The following IL1RL2 variants were observed in gnomAD, a reference collection of about 807,000 sequenced individuals.
IL1RL2 encodes interleukin 1 receptor like 2.
Under a neutral mutation model 66.8 loss-of-function variants are expected in IL1RL2, and 68 were observed. The observed-to-expected ratio is 1.02, with a 90% CI of 0.84 to 1.25. The LOEUF (loss-of-function observed/expected upper bound fraction) is 1.25, where lower values mean the gene tolerates loss of function less well. Ranked by LOEUF, IL1RL2 falls within the 50% of genes most tolerant of loss-of-function variation. The probability of loss-of-function intolerance (pLI) is 0.00; values close to 1 mark genes in which losing one functional copy is unlikely to be tolerated. For missense variants in IL1RL2, 729 were observed against 709.3 expected, an observed-to-expected ratio of 1.03 and a Z score of -0.32; for synonymous variants, 305 against 264.6, an observed-to-expected ratio of 1.15 and a Z score of -1.48.
At chr2:102,233,328 C>T (rs930922212) in intron 10 of IL1RL2, among the ~76,000 whole-genome samples, 1 of 152,108 alleles carries the variant, frequency 6.6e-6, no homozygotes, top group African/African-American at 2.4e-5. Flanking sequence ...AGGCTCCTCC[C>T]TGCCCCGCAG....
intron 6 of IL1RL2, among the ~76,000 whole-genome samples, chr2:102,217,720 G>T (rs1034361879): frequency 6.6e-6 from 1 of 152,072 alleles, no homozygotes; most frequent in East Asian, 1.9e-4. Context: ...AGGAAAATTG[G>T]ATATCCACAT....
chr2:102,220,687 G>C (rs1024792), intron 8 of IL1RL2, among the ~76,000 whole-genome samples: 24,160 of 151,334 alleles, frequency 0.16, 2,354 homozygotes, highest in Admixed American at 0.29. Context: ...GTATGTGTGT[G>C]TGTGTGTGTG....
At chr2:102,221,675 G>A (rs920869086) in intron 8 of IL1RL2, among the ~76,000 whole-genome samples, 1 of 151,722 alleles carries the variant, frequency 6.6e-6, no homozygotes, top group African/African-American at 2.4e-5. Flanking sequence ...TACACTTTAA[G>A]GTCAGGTTTT....
At chr2:102,237,755 A>T (rs1008976002) in intron 11 of IL1RL2, among the ~76,000 whole-genome samples, 5 of 152,258 alleles carry the variant, frequency 3.3e-5, no homozygotes, top group African/African-American at 1.2e-4. Context: ...ACATGTAGGC[A>T]GGTTGGCAGG....
At chr2:102,228,235 G>A (rs931042688) in intron 9 of IL1RL2, among the ~76,000 whole-genome samples, 2 of 152,230 alleles carry the variant, frequency 1.3e-5, no homozygotes, top group African/African-American at 4.8e-5. Context: ...AGCTACTGAT[G>A]AGATTCTGAG....
At chr2:102,190,704 TTAGCCTAGGCTGTGAATTATTAACTAG>T (rs1687152589) in intron 3 of IL1RL2, among the ~76,000 whole-genome samples, 1 of 152,222 alleles carries the variant, frequency 6.6e-6, no homozygotes, top group African/African-American at 2.4e-5. Context: ...CTGTCCTATT[TTAGCCTAGGCTGTGAATTATTAACTAG>T]TAGCCTAGGC....
At chr2:102,194,340 T>C (rs894997439) in intron 4 of IL1RL2, among the ~76,000 whole-genome samples, 1 of 152,214 alleles carries the variant, frequency 6.6e-6, no homozygotes, top group Non-Finnish European at 1.5e-5. Flanking sequence ...TACTATTTCA[T>C]TATTATTATT....
chr2:102,203,729 T>C (rs1465887854), intron 5 of IL1RL2, among the ~76,000 whole-genome samples: 1 of 152,122 alleles, frequency 6.6e-6, no homozygotes, highest in Admixed American at 6.5e-5. Context: ...CCATTAATAA[T>C]CTTTTGGATT....
In IL1RL2 at chr2:102,195,559, C is replaced by CTTTCTT. The variant is rs1481634028; in HGVS notation, c.489+3440_489+3441insTTCTTT. ...ATTCCCTTATTCTATTTCTTTCTTT[C>CTTTCTT]TCTTTCTTTCTTTCTTTCTTTCTTT... On this transcript the variant is annotated intron_variant, in intron 4 of 11. Coordinates refer to ENST00000264257, the MANE Select transcript of IL1RL2 (RefSeq NM_003854.4). Among the ~76,000 whole-genome samples the CTTTCTT allele has an allele frequency of 3.3e-3, 143 of 43,716 alleles. 31 individuals are homozygous for CTTTCTT. The highest frequency in any genetic ancestry group is 4.6e-3 in the Admixed American group (20 of 4,386). 28.7% of individuals were successfully genotyped at this position (43,716 alleles called of 152,430 possible).
At chr2:102,213,659 C>T (rs1449553177) in intron 6 of IL1RL2, among the ~76,000 whole-genome samples, 1 of 152,002 alleles carries the variant, frequency 6.6e-6, no homozygotes, top group Non-Finnish European at 1.5e-5. Flanking sequence ...AATTTCATGG[C>T]ATATGACCAA....
Position 102,225,927 on chromosome 2 carries a change from G to A in IL1RL2, c.1021G>A (p.Gly341Arg), listed in dbSNP as rs946791842. Reference protein sequence around the residue: ...APDFRAYLIGGLIALVAVAVS... With the variant: ...APDFRAYLIGRLIALVAVAVS... ...GGATTTTCGAGCTTACTTGATAGGA[G>A]GGCTTATCGCCTTGGTGGCTGTGGC... Residue 341 changes from glycine to arginine, a missense_variant, in exon 9 of 12, where the codon GGG becomes AGG. Transcript: ENST00000264257. 94 of 1,599,346 alleles carry A rather than the reference G, an allele frequency of 5.9e-5. No individual in the cohort carries two copies. Among genetic ancestry groups the A allele is most frequent in the Non-Finnish European group, 7.8e-5 (91 of 1,172,832 alleles).
rs189403789 is a variant in IL1RL2 at position 102,197,084 on chromosome 2, C to A, written c.490-4472C>A. Among the ~76,000 whole-genome samples the A allele has an allele frequency of 2.1e-3, 321 of 152,230 alleles. 3 individuals carry two copies. The highest frequency in any genetic ancestry group is 4.8e-3 in the East Asian group (25 of 5,182). On this transcript the variant is annotated intron_variant, in intron 4 of 11. Transcript: ENST00000264257. ...ATTAGGGAAAAGGAGGAACTCATGT[C>A]TGAGGGCCCCTAATTTTTCTAATTG... is the stretch of plus-strand genomic sequence containing the variant.
intron 3 of IL1RL2, among the ~76,000 whole-genome samples, chr2:102,189,941 C>G (rs1200030010): frequency 6.6e-6 from 1 of 152,202 alleles, no homozygotes; most frequent in Non-Finnish European, 1.5e-5. Flanking sequence ...CCTGAGCCAC[C>G]TAGCCCGGCC....
chr2:102,202,434 G>GTA (rs775376966), intron 5 of IL1RL2, among the ~76,000 whole-genome samples: 5 of 151,200 alleles, frequency 3.3e-5, no homozygotes, highest in Non-Finnish European at 7.4e-5. Context: ...CATAATAAGT[G>GTA]TATATATTAC....
At chr2:102,232,126 T>TC (rs397985351) in intron 9 of IL1RL2, among the ~76,000 whole-genome samples, 1 of 151,634 alleles carries the variant, frequency 6.6e-6, no homozygotes, top group East Asian at 1.9e-4. Flanking sequence ...TTTTTTTTTT[T>TC]CCGAGACAGA....
chr2:102,212,356 C>T lies in IL1RL2; in HGVS notation c.724+182C>T, dbSNP rs145976064. Among the ~76,000 whole-genome samples the T allele has an allele frequency of 1.2e-3, 190 of 152,188 alleles. 1 individual carries two copies. Among genetic ancestry groups the T allele is most frequent in the African/African-American group, 4.3e-3 (177 of 41,496 alleles). On this transcript the variant is annotated intron_variant, in intron 6 of 11. Coordinates refer to ENST00000264257, the MANE Select transcript of IL1RL2 (RefSeq NM_003854.4). Reference sequence around the variant, plus strand: ...AAAATAAAACACCAGAGAGCCGAAGCATGGAAAAGTTGTGGTAGCAGAGAA... The same window carrying T: ...AAAATAAAACACCAGAGAGCCGAAGTATGGAAAAGTTGTGGTAGCAGAGAA...
intron 2 of IL1RL2, 21 bp downstream of exon 2, chr2:102,187,946 G>C (rs779905518): frequency 2.5e-6 from 4 of 1,610,936 alleles, no homozygotes; most frequent in Non-Finnish European, 2.5e-6. Context: ...TGTGTCCTCC[G>C]TTCCCAGAGG....
At chr2:102,212,212 G>A (rs1186090759) in intron 6 of IL1RL2, 38 bp downstream of exon 6, 3 of 1,380,348 alleles carry the variant, frequency 2.2e-6, no homozygotes, top group East Asian at 2.3e-5. Context: ...ATCACCAGGG[G>A]AAGAGCTCAT....
At chr2:102,218,410 T>C (rs1454313020) in intron 6 of IL1RL2, among the ~76,000 whole-genome samples, 4 of 152,076 alleles carry the variant, frequency 2.6e-5, no homozygotes, top group East Asian at 3.9e-4. Flanking sequence ...AGAGGCAAGA[T>C]AAGGGAAAGA....
Sources: gnomAD v4.1 joint callset for allele counts (sites outside exome capture counted in the v4.1 genomes callset) on GRCh38, gnomAD v4.1.1 for gene constraint, MANE v1.5 for transcripts, NCBI Gene and HGNC (gene_info 2026-07-23, HGNC 2026-07-21) for gene names.